The following RBFOX1 variants were observed in gnomAD, a reference collection of about 807,000 sequenced individuals.
RBFOX1 encodes the protein RNA binding fox-1 homolog 1.
A neutral mutation model predicts 57.7 loss-of-function variants in RBFOX1; 8 were observed. The observed-to-expected ratio is 0.14, with a 90% CI of 0.08 to 0.25. The LOEUF (loss-of-function observed/expected upper bound fraction) is 0.25. RBFOX1 is among the 10% of genes least tolerant of loss of function. The pLI is 1.00. For synonymous variants in RBFOX1, 326 were observed against 222.4 expected, an observed-to-expected ratio of 1.47 and a Z score of -4.15; for missense variants, 611 against 548.5, an observed-to-expected ratio of 1.11 and a Z score of -1.14.
intron 2 of RBFOX1, among the ~76,000 whole-genome samples, chr16:6,409,757 C>T (rs1057029019): frequency 2.0e-5 from 3 of 152,098 alleles, no homozygotes; most frequent in African/African-American, 7.2e-5. Context: ...TATATTCTTC[C>T]GAAGCTGAGG....
In RBFOX1 at chr16:6,869,923, T is replaced by C. The variant is rs780886684; in HGVS notation, c.-15-182134T>C. Among the ~76,000 whole-genome samples, 65 of 152,194 alleles carry C rather than the reference T, an allele frequency of 4.3e-4. 1 individual carries two copies. The highest frequency in any genetic ancestry group is 1.2e-3 in the African/African-American group (51 of 41,460). On this transcript the variant is annotated intron_variant, in intron 3 of 15. Coordinates refer to ENST00000550418, the MANE Select transcript of RBFOX1 (RefSeq NM_018723.4). ...GCAATTCAAAGCCATAAATTACTTA[T>C]ATCATCTCAGCGTCTTGGGGACTGC...
At chr16:7,160,300 A>G (rs746898545) in intron 4 of RBFOX1, among the ~76,000 whole-genome samples, 8 of 152,002 alleles carry the variant, frequency 5.3e-5, no homozygotes, top group Non-Finnish European at 1.0e-4. Context: ...GGCAAGTTGC[A>G]TTAGTCTTCT....
intron 1 of RBFOX1, among the ~76,000 whole-genome samples, chr16:5,313,262 A>C (rs1298272750): frequency 6.6e-6 from 1 of 152,066 alleles, no homozygotes; most frequent in Non-Finnish European, 1.5e-5. Flanking sequence ...CCCCTCTCCA[A>C]AGTCCTCTGG....
intron 12 of RBFOX1, among the ~76,000 whole-genome samples, chr16:7,659,735 G>C (rs2067223674): frequency 6.6e-6 from 1 of 152,190 alleles, no homozygotes; most frequent in Non-Finnish European, 1.5e-5. Context: ...TTTTTATAAA[G>C]TGTGACTTCT....
intron 4 of RBFOX1, among the ~76,000 whole-genome samples, chr16:7,309,654 G>A (rs1478019544): frequency 1.3e-5 from 2 of 152,142 alleles, no homozygotes; most frequent in Non-Finnish European, 2.9e-5. Flanking sequence ...CATTTAACCA[G>A]GTTCTCTGCC....
At chr16:6,818,016 GC>G (rs2090480554) in intron 3 of RBFOX1, among the ~76,000 whole-genome samples, 1 of 152,138 alleles carries the variant, frequency 6.6e-6, no homozygotes, top group Admixed American at 6.5e-5. Flanking sequence ...TGGGTTAGTG[GC>G]TAAACTTTTT....
intron 2 of RBFOX1, among the ~76,000 whole-genome samples, chr16:6,544,058 T>A (rs1008126740): frequency 7.2e-5 from 11 of 152,348 alleles, no homozygotes; most frequent in Admixed American, 5.9e-4. Context: ...CTTCTAGGTG[T>A]CTGTCTTGTG....
intron 3 of RBFOX1, among the ~76,000 whole-genome samples, chr16:5,706,539 C>G (rs1355408988): frequency 6.6e-6 from 1 of 152,144 alleles, no homozygotes; most frequent in East Asian, 1.9e-4. Context: ...TTTATCTTCT[C>G]TGGGAGTTTG....
chr16:5,905,333 A>T (rs894948174), intron 4 of RBFOX1, among the ~76,000 whole-genome samples: 3 of 151,922 alleles, frequency 2.0e-5, no homozygotes, highest in Non-Finnish European at 4.4e-5. Context: ...GATTCCAGGC[A>T]TGAGCTGCTG....
At chr16:7,516,798 A>C (rs377184843) in intron 4 of RBFOX1, among the ~76,000 whole-genome samples, 108 of 152,152 alleles carry the variant, frequency 7.1e-4, no homozygotes, top group African/African-American at 2.4e-3. Flanking sequence ...CCTTCTAAAC[A>C]AATGCACCAG....
chr16:6,351,464 C>G (rs56877158), intron 2 of RBFOX1, among the ~76,000 whole-genome samples: 52,195 of 148,264 alleles, frequency 0.35, 9,409 homozygotes, highest in African/African-American at 0.44. Flanking sequence ...ACCTCTATCT[C>G]CCAGGTTCAA....
intron 4 of RBFOX1, among the ~76,000 whole-genome samples, chr16:7,203,484 A>G (rs1192032062): frequency 4.6e-5 from 7 of 152,206 alleles, no homozygotes; most frequent in African/African-American, 1.7e-4. Context: ...TAACAATATA[A>G]ATATACTTAA....
At chr16:7,666,035 C>T (rs1370083756) in intron 13 of RBFOX1, among the ~76,000 whole-genome samples, 1 of 152,062 alleles carries the variant, frequency 6.6e-6, no homozygotes, top group African/African-American at 2.4e-5. Context: ...AGTGAACAAC[C>T]CATATGTCCT....
chr16:5,621,178 G>A lies in RBFOX1; in HGVS notation c.318+22217G>A, dbSNP rs142279030. The stretch of plus-strand genomic sequence containing the variant: ...TTTTTTGTAGAAATGGGGTTTTCCT[G>A]TGTTTCCCGGCTGGTCTCAAACTCT... On this transcript the variant is annotated intron_variant, in intron 3 of 19. Coordinates refer to the RBFOX1 transcript ENST00000641259. 2.3e-3 allele frequency among the ~76,000 whole-genome samples: 356 copies of A among 152,254 alleles called. 2 individuals carry two copies. Among genetic ancestry groups the A allele is most frequent in the African/African-American group, 7.9e-3 (328 of 41,536 alleles).
chr16:7,321,229 C>A (rs1230405027), intron 4 of RBFOX1, among the ~76,000 whole-genome samples: 1 of 152,100 alleles, frequency 6.6e-6, no homozygotes, highest in Non-Finnish European at 1.5e-5. Flanking sequence ...ACTGCAACCT[C>A]TGGCTCCTGG....
chr16:6,741,078 C>A (rs1290195060), intron 3 of RBFOX1, among the ~76,000 whole-genome samples: 1 of 152,052 alleles, frequency 6.6e-6, no homozygotes, highest in Non-Finnish European at 1.5e-5. Flanking sequence ...CAACATTGAC[C>A]AGCTGATTTT....
chr16:7,264,810 A>C (rs774130371), intron 4 of RBFOX1, among the ~76,000 whole-genome samples: 1 of 152,208 alleles, frequency 6.6e-6, no homozygotes, highest in African/African-American at 2.4e-5. Flanking sequence ...GCCCTGGTCC[A>C]AACTTTAAAG....
intron 1 of RBFOX1, among the ~76,000 whole-genome samples, chr16:6,027,064 C>G (rs1466507460): frequency 2.0e-5 from 3 of 152,172 alleles, no homozygotes; most frequent in South Asian, 2.1e-4. Context: ...TGCATTTCCC[C>G]AAGATGTTGA....
intron 1 of RBFOX1, among the ~76,000 whole-genome samples, chr16:6,020,310 G>C (rs2095044361): frequency 6.6e-6 from 1 of 152,200 alleles, no homozygotes; most frequent in African/African-American, 2.4e-5. Context: ...GGTGCCAGGA[G>C]CAGCGGGAGC....
Sources: allele counts gnomAD v4.1 joint callset (sites outside exome capture counted in the v4.1 genomes callset), GRCh38; gene constraint gnomAD v4.1.1; transcripts MANE v1.5; gene names NCBI Gene and HGNC (gene_info 2026-07-23, HGNC 2026-07-21).